LOXHD1: variants seen among roughly 807,000 people sequenced by gnomAD.
The protein encoded by LOXHD1 is lipoxygenase homology domain-containing protein 1.
A neutral mutation model predicts 248.2 loss-of-function variants in LOXHD1; 205 were observed. The ratio of observed to expected loss-of-function variants is 0.83; its 90% CI spans 0.74 to 0.93. The LOEUF (loss-of-function observed/expected upper bound fraction) is 0.93. LOXHD1 is among the 40% of genes least tolerant of loss of function. LOXHD1 has a pLI of 0.00. For synonymous variants in LOXHD1, 1,113 were observed against 1,162.8 expected, an observed-to-expected ratio of 0.96 and a Z score of 0.87; for missense variants, 2,930 against 2,971.6, an observed-to-expected ratio of 0.99 and a Z score of 0.33.
chr18:46,608,908 A>T (rs182496887), intron 6 of LOXHD1, among the ~76,000 whole-genome samples: 1 of 152,302 alleles, frequency 6.6e-6, no homozygotes, highest in Non-Finnish European at 1.5e-5. Context: ...CACCCTTTCC[A>T]ATCACCTTCT....
At chr18:46,518,361 A>G in intron 33 of LOXHD1, 105 bp from the exon 34 acceptor site, 1 of 1,347,470 alleles carries the variant, frequency 7.4e-7, no homozygotes. Context: ...CAAGTTCCAC[A>G]GCTCTGGAAA....
chr18:46,604,046 C>A, intron 7 of LOXHD1, 60 bp downstream of exon 7: 4 of 1,545,664 alleles, frequency 2.6e-6, no homozygotes, highest in Non-Finnish European at 3.5e-6. Flanking sequence ...CAGATGCCAA[C>A]AGCGACCCTT....
Position 46,477,889 on chromosome 18 carries a change from G to T in LOXHD1, c.6405C>A (p.Phe2135Leu). The change falls in exon 41 of 41, where the codon TTC becomes TTA. Residue 2135 changes from phenylalanine (F) to leucine (L), a missense_variant. Coordinates refer to ENST00000642948, the MANE Select transcript of LOXHD1 (RefSeq NM_001384474.1). ...AGCTCTCTGTCGTCTTGGTAACCTC[G>T]AATACCTTGAAGTACTTCCTCTTCC... is the stretch of plus-strand genomic sequence containing the variant. ...LKRKRKYFKV[F>L]EVTKTTESFA... The T allele has an allele frequency of 6.4e-7, 1 of 1,551,714 alleles. No individual in the cohort carries two copies. The highest frequency in any genetic ancestry group is 1.2e-5 in the South Asian group (1 of 84,052).
At chr18:46,646,260 C>G (rs1290519002) in intron 2 of LOXHD1, among the ~76,000 whole-genome samples, 1 of 152,112 alleles carries the variant, frequency 6.6e-6, no homozygotes, top group African/African-American at 2.4e-5. Flanking sequence ...GTGGGGCAGC[C>G]GATGGCCTGA....
chr18:46,547,617 A>G (rs1185952274), intron 21 of LOXHD1, among the ~76,000 whole-genome samples: 1 of 152,074 alleles, frequency 6.6e-6, no homozygotes, highest in Non-Finnish European at 1.5e-5. Context: ...ACCCAGCACA[A>G]GGGAGGTGCC....
intron 3 of LOXHD1, 97 bp from the exon 4 acceptor site, chr18:46,639,897 C>T: frequency 7.1e-7 from 1 of 1,403,108 alleles, no homozygotes; most frequent in Non-Finnish European, 9.8e-7. Context: ...AAGAGAGGTC[C>T]AATTATTCTG....
In LOXHD1 at chr18:46,569,512, T is replaced by C. The variant is rs141137527; in HGVS notation, c.2174A>G (p.Asn725Ser). Reference protein sequence around the residue: ...TIKQVLLVSDNNLKDYFERGR... With the variant: ...TIKQVLLVSDSNLKDYFERGR... ...ACGTTCAAAGTAGTCTTTGAGGTTG[T>C]TGTCAGAGACAAGAAGAACTTGCTT... is the stretch of plus-strand genomic sequence containing the variant. The change falls in exon 16 of 41, where the codon AAC becomes AGC. Residue 725 changes from asparagine (N) to serine (S), a missense_variant. Physicochemically the swap from Asn to Ser is conservative, Grantham distance 46. Transcript: ENST00000642948. 193 of 1,552,162 alleles carry C rather than the reference T, an allele frequency of 1.2e-4. No homozygotes were observed. In the East Asian group the frequency reaches 4.6e-3, roughly 37 times the overall value.
intron 38 of LOXHD1, among the ~76,000 whole-genome samples, chr18:46,487,952 A>C (rs2033184576): frequency 6.6e-6 from 1 of 152,204 alleles, no homozygotes; most frequent in South Asian, 2.1e-4. Flanking sequence ...ACCACTCCTG[A>C]AATTTTCTGT....
At chr18:46,537,365 A>G (rs2036356935) in intron 26 of LOXHD1, among the ~76,000 whole-genome samples, 1 of 152,174 alleles carries the variant, frequency 6.6e-6, no homozygotes, top group Admixed American at 6.5e-5. Flanking sequence ...CAGAGTTTTT[A>G]TGATAATTAA....
intron 20 of LOXHD1, 126 bp downstream of exon 20, chr18:46,559,322 C>G: frequency 3.2e-6 from 5 of 1,547,248 alleles, no homozygotes; most frequent in Non-Finnish European, 3.5e-6. Flanking sequence ...TGCCATGAAA[C>G]CTGGTGGGAT....
At chr18:46,552,448 C>G (rs902894613) in intron 21 of LOXHD1, among the ~76,000 whole-genome samples, 3 of 152,174 alleles carry the variant, frequency 2.0e-5, no homozygotes, top group Non-Finnish European at 4.4e-5. Flanking sequence ...CCCCCAACCC[C>G]CTCCTCCTTG....
At chr18:46,496,467 A>G (rs1045130123) in intron 37 of LOXHD1, among the ~76,000 whole-genome samples, 3 of 152,338 alleles carry the variant, frequency 2.0e-5, no homozygotes, top group African/African-American at 4.8e-5. Context: ...CAAACAAAAT[A>G]TATTTTTCCT....
intron 12 of LOXHD1, among the ~76,000 whole-genome samples, chr18:46,585,360 T>A (rs1568201924): frequency 6.6e-6 from 1 of 152,152 alleles, no homozygotes; most frequent in Non-Finnish European, 1.5e-5. Context: ...GAGTACAAGA[T>A]CAATATACCA....
chr18:46,566,839 T>C (rs1034517986), intron 16 of LOXHD1, among the ~76,000 whole-genome samples: 1 of 152,260 alleles, frequency 6.6e-6, no homozygotes, highest in African/African-American at 2.4e-5. Context: ...GTTATTGATT[T>C]GGTTTGGTTT....
At chr18:46,566,545 C>A in intron 16 of LOXHD1, 96 bp from the exon 17 acceptor site, 2 of 1,067,604 alleles carry the variant, frequency 1.9e-6, no homozygotes, top group Non-Finnish European at 2.8e-6. Flanking sequence ...CAAAACACAA[C>A]CCAGGTCTCC....
At chr18:46,535,444 G>A (rs142836967) in intron 26 of LOXHD1, among the ~76,000 whole-genome samples, 6 of 151,980 alleles carry the variant, frequency 3.9e-5, no homozygotes, top group Admixed American at 2.0e-4. Context: ...TGAACTGGGC[G>A]GGGGATGGGG....
At position 46,563,024 on chromosome 18, in the gene LOXHD1, T is replaced by C. The variant is rs896911013; in HGVS notation, c.2598+41A>G. 1.1e-5 allele frequency: 17 copies of C among 1,517,996 alleles called. No individual in the cohort carries two copies. The African/African-American group carries it at 1.7e-4, about 15-fold the overall frequency. The allele number at this position is 1,517,996 out of a possible 1,614,324, so 94.0% of individuals were successfully genotyped here. A position where few individuals can be genotyped will look rare whatever the true frequency, so the allele number is the denominator to read the frequency against. On this transcript the variant is annotated intron_variant, in intron 18 of 40. Coordinates refer to ENST00000642948, the MANE Select transcript of LOXHD1 (RefSeq NM_001384474.1). ...CCCAGGGAAGCATCTTGGTGTCCAC[T>C]GAGCCTGCTGTTGGCACCCCCGCTC...
rs533251927 is a variant in LOXHD1, at chr18:46,538,315, G to C, written c.3936C>G (p.Leu1312=). The C allele has an allele frequency of 1.4e-4, 217 of 1,550,742 alleles. 2 individuals are homozygous for C. In the Middle Eastern group the frequency reaches 7.3e-3, roughly 52 times the overall value. ...CAGCAGCAAAGACATCACTGGTGTAGAGGGTGATCTCGTAAGGAACAACTG... is the reference window on the plus strand; with the variant it reads ...CAGCAGCAAAGACATCACTGGTGTACAGGGTGATCTCGTAAGGAACAACTG... ...YTPFVPYEIT[L]YTSDVFAAGT... Residue 1312 remains leucine (L), a synonymous_variant, in exon 26 of 41, where the codon CTC becomes CTG. Transcript: ENST00000642948.
At chr18:46,554,869 G>A (rs930550519) in intron 21 of LOXHD1, among the ~76,000 whole-genome samples, 7 of 152,254 alleles carry the variant, frequency 4.6e-5, no homozygotes, top group South Asian at 2.1e-4. Flanking sequence ...AAAGTGTACC[G>A]GAGGGTAGCA....
Sources: gnomAD v4.1 joint callset for allele counts (sites outside exome capture counted in the v4.1 genomes callset) on GRCh38, gnomAD v4.1.1 for gene constraint, MANE v1.5 for transcripts, NCBI Gene and HGNC (gene_info 2026-07-23, HGNC 2026-07-21) for gene names.